The following PACRG variants were observed in gnomAD, a reference collection of about 807,000 sequenced individuals.
PACRG encodes parkin coregulated.
PACRG carries 29 observed loss-of-function variants against 29.7 expected under a neutral mutation model. The ratio of observed to expected loss-of-function variants is 0.98; its 90% CI spans 0.73 to 1.33. PACRG has a LOEUF of 1.33. Among genes scored for constraint, PACRG ranks in the 40% most tolerant of loss-of-function variants. The pLI is 0.00. For missense variants in PACRG, 279 were observed against 316.2 expected, an observed-to-expected ratio of 0.88 and a Z score of 0.89; for synonymous variants, 116 against 118.7, an observed-to-expected ratio of 0.98 and a Z score of 0.15.
At chr6:163,028,823 A>G (rs1301848749) in intron 2 of PACRG, among the ~76,000 whole-genome samples, 1 of 152,132 alleles carries the variant, frequency 6.6e-6, no homozygotes, top group Non-Finnish European at 1.5e-5. Flanking sequence ...GTAATATAAC[A>G]ATTTTCTTAT....
Position 162,821,345 on chromosome 6 carries a change from A to G in PACRG, c.291+7064A>G, listed in dbSNP as rs144021181. Among the ~76,000 whole-genome samples, 4 of 152,338 alleles carry G rather than the reference A, an allele frequency of 2.6e-5. No homozygotes were observed. The East Asian group carries it at 7.7e-4, about 29-fold the overall frequency. On this transcript the variant is annotated intron_variant, in intron 2 of 4. Coordinates refer to ENST00000366888, the MANE Select transcript of PACRG (RefSeq NM_001080379.2). Reference sequence around the variant, plus strand: ...TAACTCCTGGAAAGTGTATAGATTGAAAAGAAAGGTCGACTGCTGCTCTGT... The same window carrying G: ...TAACTCCTGGAAAGTGTATAGATTGGAAAGAAAGGTCGACTGCTGCTCTGT...
chr6:162,965,028 C>T (rs1450093803), intron 2 of PACRG, among the ~76,000 whole-genome samples: 1 of 152,154 alleles, frequency 6.6e-6, no homozygotes, highest in African/African-American at 2.4e-5. Context: ...GAAGCATGCC[C>T]AGTGGGGCTG....
chr6:163,131,133 C>T (rs1816717313), intron 4 of PACRG, among the ~76,000 whole-genome samples: 1 of 151,874 alleles, frequency 6.6e-6, no homozygotes. Context: ...GGGTGAAACC[C>T]CGTCTCTACT....
intron 2 of PACRG, among the ~76,000 whole-genome samples, chr6:162,865,936 T>G (rs1047529578): frequency 2.0e-5 from 3 of 152,192 alleles, no homozygotes; most frequent in African/African-American, 7.2e-5. Context: ...CAAACCTATA[T>G]AGTTATGATT....
chr6:162,776,640 G>A (rs1201089991), intron 1 of PACRG, among the ~76,000 whole-genome samples: 1 of 152,208 alleles, frequency 6.6e-6, no homozygotes, highest in Non-Finnish European at 1.5e-5. Context: ...GCAGGTGGCT[G>A]ATACTGGGTC....
chr6:162,743,725 C>T (rs556833738), intron 1 of PACRG, among the ~76,000 whole-genome samples: 1 of 152,002 alleles, frequency 6.6e-6, no homozygotes, highest in Non-Finnish European at 1.5e-5. Flanking sequence ...AATTCATATA[C>T]ATATAATTCA....
chr6:163,072,755 A>G (rs1812189494), intron 3 of PACRG, among the ~76,000 whole-genome samples: 2 of 152,216 alleles, frequency 1.3e-5, no homozygotes, highest in South Asian at 4.1e-4. Context: ...ACAAATTCGT[A>G]AAGTAGCAGG....
rs369051665 is a variant in PACRG at position 163,299,862 on chromosome 6, G to A, written c.614-14965G>A. Reference sequence around the variant, plus strand: ...CCACTACACTCCAGCCTGGGCAACAGAGGGAGACTCCGTCTCAAAAAACAA... The same window carrying A: ...CCACTACACTCCAGCCTGGGCAACAAAGGGAGACTCCGTCTCAAAAAACAA... On this transcript the variant is annotated intron_variant, in intron 4 of 4. Coordinates refer to ENST00000366888, the MANE Select transcript of PACRG (RefSeq NM_001080379.2). Among the ~76,000 whole-genome samples the A allele has an allele frequency of 1.2e-4, 18 of 152,346 alleles. No individual in the cohort carries two copies. In the East Asian group the frequency reaches 3.5e-3, roughly 29 times the overall value.
At chr6:163,019,880 A>G (rs1008534248) in intron 2 of PACRG, among the ~76,000 whole-genome samples, 4 of 152,234 alleles carry the variant, frequency 2.6e-5, no homozygotes, top group African/African-American at 9.6e-5. Flanking sequence ...CGCCTATAGA[A>G]ACAGACTCCC....
chr6:163,113,612 A>G (rs1815828593), intron 4 of PACRG, among the ~76,000 whole-genome samples: 1 of 152,070 alleles, frequency 6.6e-6, no homozygotes, highest in Non-Finnish European at 1.5e-5. Flanking sequence ...GAAAAACAAA[A>G]CAAACAAACA....
chr6:162,914,454 G>A (rs1165632171), intron 2 of PACRG, among the ~76,000 whole-genome samples: 1 of 149,280 alleles, frequency 6.7e-6, no homozygotes, highest in Non-Finnish European at 1.5e-5. Context: ...CAACTTTATA[G>A]CCAGTCCTGA....
At chr6:163,102,454 C>G (rs1815150356) in intron 4 of PACRG, among the ~76,000 whole-genome samples, 1 of 152,206 alleles carries the variant, frequency 6.6e-6, no homozygotes, top group Non-Finnish European at 1.5e-5. Context: ...TCAGCTTCAT[C>G]AGTGCTACTA....
chr6:163,270,385 T>C (rs1288328804), intron 4 of PACRG, among the ~76,000 whole-genome samples: 1 of 152,178 alleles, frequency 6.6e-6, no homozygotes, highest in South Asian at 2.1e-4. Flanking sequence ...TTTTTTTAAA[T>C]TTCAGTGATA....
At chr6:163,021,021 T>A (rs991757633) in intron 2 of PACRG, among the ~76,000 whole-genome samples, 1 of 152,142 alleles carries the variant, frequency 6.6e-6, no homozygotes, top group Non-Finnish European at 1.5e-5. Context: ...TGTGTCCCTG[T>A]GCCTGCCCGT....
intron 4 of PACRG, among the ~76,000 whole-genome samples, chr6:163,120,421 G>A (rs1400883873): frequency 3.3e-5 from 5 of 152,222 alleles, no homozygotes; most frequent in East Asian, 3.9e-4. Context: ...CTTTAGGGGC[G>A]CTGTTGGGGT....
rs74640626 is a variant in PACRG at position 163,078,645 on chromosome 6, T to C, written c.464-10614T>C. On this transcript the variant is annotated intron_variant, in intron 3 of 4. Coordinates refer to ENST00000366888, the MANE Select transcript of PACRG (RefSeq NM_001080379.2). Reference sequence around the variant, plus strand: ...CATTATCATCATCATCATCATTCTCTGCCTAAATTACGGCAACATTTTTTA... The same window carrying C: ...CATTATCATCATCATCATCATTCTCCGCCTAAATTACGGCAACATTTTTTA... Among the ~76,000 whole-genome samples the C allele has an allele frequency of 5.3e-4, 80 of 152,288 alleles. No homozygotes were observed. The East Asian group carries it at 0.014, about 26-fold the overall frequency.
intron 4 of PACRG, among the ~76,000 whole-genome samples, chr6:163,288,130 C>A (rs1784459689): frequency 6.6e-6 from 1 of 152,132 alleles, no homozygotes; most frequent in Admixed American, 6.6e-5. Context: ...CAGTGAGATT[C>A]TCAGGTTTTC....
intron 4 of PACRG, among the ~76,000 whole-genome samples, chr6:163,184,674 T>C (rs776783924): frequency 1.2e-4 from 18 of 152,122 alleles, no homozygotes; most frequent in Non-Finnish European, 2.2e-4. Context: ...TGAGAGGAGT[T>C]AACTCAGAGC....
At chr6:162,923,526 T>C (rs1044477177) in intron 2 of PACRG, among the ~76,000 whole-genome samples, 1 of 152,210 alleles carries the variant, frequency 6.6e-6, no homozygotes, top group East Asian at 1.9e-4. Flanking sequence ...TTGAATTGGC[T>C]TTTGTATGTG....
Sources: allele counts gnomAD v4.1 joint callset (sites outside exome capture counted in the v4.1 genomes callset), GRCh38; gene constraint gnomAD v4.1.1; transcripts MANE v1.5; gene names NCBI Gene and HGNC (gene_info 2026-07-23, HGNC 2026-07-21).